The following CRACR2A variants were observed in gnomAD, a reference collection of about 807,000 sequenced individuals.
CRACR2A encodes EF-hand calcium-binding domain-containing protein 4B.
CRACR2A carries 79 observed loss-of-function variants against 90.5 expected under a neutral mutation model. That is an observed-to-expected ratio of 0.87 (90% confidence interval 0.73 to 1.05). CRACR2A has a LOEUF of 1.05. CRACR2A is among the 50% of genes least tolerant of loss of function. The pLI is 0.00. For synonymous variants in CRACR2A, 338 were observed against 356.7 expected (o/e 0.95, Z 0.59); for missense variants, 823 against 897.2 (o/e 0.92, Z 1.06).
chr12:3,725,630 G>A (rs114647042), intron 2 of CRACR2A, among the ~76,000 whole-genome samples: 1,833 of 152,192 alleles, frequency 0.012, 42 homozygotes, highest in African/African-American at 0.041. Flanking sequence ...TTTACCATTC[G>A]CCCCTCTGCA....
intron 12 of CRACR2A, among the ~76,000 whole-genome samples, chr12:3,642,377 G>A (rs541038028): frequency 6.6e-6 from 1 of 152,094 alleles, no homozygotes; most frequent in African/African-American, 2.4e-5. Flanking sequence ...ACCATGCCTG[G>A]CTAATTTTCT....
At chr12:3,666,341 G>GTT (rs10633783) in intron 7 of CRACR2A, among the ~76,000 whole-genome samples, 24,699 of 139,414 alleles carry the variant, frequency 0.18, 2,460 homozygotes, top group East Asian at 0.47. Flanking sequence ...GTGTGTGTGT[G>GTT]TGTGTGTGTG....
At chr12:3,707,020 G>A (rs1945936114) in intron 3 of CRACR2A, among the ~76,000 whole-genome samples, 1 of 152,096 alleles carries the variant, frequency 6.6e-6, no homozygotes, top group South Asian at 2.1e-4. Flanking sequence ...TACATGAAGA[G>A]AAACAACCAA....
chr12:3,626,877 G>C (rs1202307479), intron 17 of CRACR2A, among the ~76,000 whole-genome samples: 5 of 152,220 alleles, frequency 3.3e-5, no homozygotes, highest in Admixed American at 6.5e-5. Flanking sequence ...GCCCTGCCAA[G>C]ACTCTTGATT....
chr12:3,710,223 T>G (rs1336883246), intron 3 of CRACR2A, among the ~76,000 whole-genome samples: 3 of 152,220 alleles, frequency 2.0e-5, no homozygotes, highest in Non-Finnish European at 2.9e-5. Context: ...TCTCTCAGCT[T>G]TTTTGTGCCT....
intron 3 of CRACR2A, among the ~76,000 whole-genome samples, chr12:3,709,290 G>T (rs903151296): frequency 1.3e-5 from 2 of 152,146 alleles, no homozygotes; most frequent in African/African-American, 4.8e-5. Context: ...AATGTTTAAG[G>T]AAATGAAAGT....
chr12:3,752,869 C>T (rs574015271), intron 1 of CRACR2A, 146 bp downstream of exon 1: 2 of 152,366 alleles, frequency 1.3e-5, no homozygotes, highest in East Asian at 1.9e-4. Flanking sequence ...GCTGTTCCCC[C>T]CCAAGGGCAC....
intron 4 of CRACR2A, among the ~76,000 whole-genome samples, chr12:3,686,182 T>A (rs992081989): frequency 1.3e-5 from 2 of 152,254 alleles, no homozygotes; most frequent in Admixed American, 6.5e-5. Flanking sequence ...AAAAATCTTT[T>A]AAAGTTTTCT....
chr12:3,717,324 G>T (rs1946097046), intron 2 of CRACR2A, among the ~76,000 whole-genome samples: 2 of 152,142 alleles, frequency 1.3e-5, no homozygotes, highest in Non-Finnish European at 2.9e-5. Context: ...GCTCTGAAGA[G>T]CCAGGAGTGC....
intron 3 of CRACR2A, among the ~76,000 whole-genome samples, chr12:3,699,757 C>T (rs1945805387): frequency 6.6e-6 from 1 of 152,098 alleles, no homozygotes; most frequent in Non-Finnish European, 1.5e-5. Flanking sequence ...ATGTCTTATT[C>T]GATTTTACCG....
chr12:3,684,614 G>A (rs889992933), intron 4 of CRACR2A, among the ~76,000 whole-genome samples: 1 of 152,228 alleles, frequency 6.6e-6, no homozygotes, highest in African/African-American at 2.4e-5. Context: ...AAGATAGACC[G>A]AGGTAGAATG....
intron 4 of CRACR2A, among the ~76,000 whole-genome samples, 158 bp from the exon 5 acceptor site, chr12:3,680,507 T>G (rs570068820): frequency 6.6e-6 from 1 of 152,296 alleles, no homozygotes; most frequent in South Asian, 2.1e-4. Flanking sequence ...TCACCATCCC[T>G]CTCCTCCTTT....
At chr12:3,720,754 C>A (rs150132811) in intron 2 of CRACR2A, among the ~76,000 whole-genome samples, 1 of 152,218 alleles carries the variant, frequency 6.6e-6, no homozygotes, top group Non-Finnish European at 1.5e-5. Context: ...TTTAATCTAA[C>A]CAGAGTATTT....
chr12:3,619,429 C>A lies in CRACR2A; in HGVS notation c.1933-57G>T, dbSNP rs1867767733. ...GGGTGTCATAGGATTGCCCAGAGGG[C>A]AGGCTAACAATGCCGGCTGGACAGA... On this transcript the variant is annotated intron_variant, in intron 17 of 19. Transcript: ENST00000440314. 7.1e-6 allele frequency: 10 copies of A among 1,415,546 alleles called. No individual in the cohort carries two copies. In the Admixed American group the frequency reaches 1.8e-4, roughly 25 times the overall value. The allele number at this position is 1,415,546 out of a possible 1,614,324, so 87.7% of individuals were successfully genotyped here.
At chr12:3,688,464 G>A (rs1270173690) in intron 4 of CRACR2A, among the ~76,000 whole-genome samples, 1 of 152,184 alleles carries the variant, frequency 6.6e-6, no homozygotes, top group Non-Finnish European at 1.5e-5. Flanking sequence ...CCCATTGCTT[G>A]TTTTTGTTAG....
chr12:3,737,723 A>G lies in CRACR2A; in HGVS notation c.-386-4513T>C, dbSNP rs146167810. 4.7e-4 allele frequency among the ~76,000 whole-genome samples: 71 copies of G among 152,330 alleles called. No homozygotes were observed. In the Middle Eastern group the frequency reaches 0.017, roughly 36 times the overall value. ...GTGGGGGGAAGGAGCAGTTGAGGCCAGCATGGACTCTGTGGTCCCATCTAC... is the reference window on the plus strand; with the variant it reads ...GTGGGGGGAAGGAGCAGTTGAGGCCGGCATGGACTCTGTGGTCCCATCTAC... On this transcript the variant is annotated intron_variant, in intron 1 of 19. Transcript: ENST00000440314.
intron 13 of CRACR2A, 43 bp from the exon 14 acceptor site, chr12:3,638,497 A>G (rs1387244069): frequency 3.0e-5 from 45 of 1,485,650 alleles, no homozygotes; most frequent in Admixed American, 2.7e-4. Flanking sequence ...GGATTTCACA[A>G]AATATTTCAA....
intron 11 of CRACR2A, 82 bp from the exon 12 acceptor site, chr12:3,644,722 G>A (rs1236317453): frequency 5.6e-6 from 7 of 1,259,188 alleles, no homozygotes; most frequent in Non-Finnish European, 6.8e-6. Context: ...CTATTCAGAT[G>A]GGTGCAGGGG....
chr12:3,703,059 G>A (rs1945857368), intron 3 of CRACR2A, among the ~76,000 whole-genome samples: 1 of 152,162 alleles, frequency 6.6e-6, no homozygotes, highest in African/African-American at 2.4e-5. Flanking sequence ...TCCAACAAAT[G>A]ATACTGAAAC....
Sources: gnomAD v4.1 joint callset for allele counts (sites outside exome capture counted in the v4.1 genomes callset) on GRCh38, gnomAD v4.1.1 for gene constraint, MANE v1.5 for transcripts, NCBI Gene and HGNC (gene_info 2026-07-23, HGNC 2026-07-21) for gene names.